Variants in ENOPH1 observed in about 807,000 individuals in gnomAD.
ENOPH1 encodes the protein enolase-phosphatase E1.
ENOPH1 carries 14 observed loss-of-function variants against 31.1 expected under a neutral mutation model. The observed-to-expected ratio is 0.45, with a 90% CI of 0.30 to 0.70. The LOEUF (loss-of-function observed/expected upper bound fraction) is 0.70. Among genes scored for constraint, ENOPH1 ranks in the 30% least tolerant of loss-of-function variants. The pLI is 0.09. For synonymous variants in ENOPH1, 127 were observed against 123.2 expected (o/e 1.03, Z -0.21); for missense variants, 243 against 321.5 (o/e 0.76, Z 1.87).
intron 3 of ENOPH1, among the ~76,000 whole-genome samples, chr4:82,451,570 C>T (rs780556914): frequency 2.6e-5 from 4 of 152,148 alleles, no homozygotes; most frequent in Non-Finnish European, 5.9e-5. Context: ...GTGACAGCTC[C>T]GTTGGGCTGC....
intron 5 of ENOPH1, among the ~76,000 whole-genome samples, chr4:82,458,366 C>T (rs1481142492): frequency 6.6e-6 from 1 of 151,940 alleles, no homozygotes. Context: ...ATTAGCCAGG[C>T]AGTAGTGGTA....
At chr4:82,454,249 G>A (rs1722426288) in intron 3 of ENOPH1, among the ~76,000 whole-genome samples, 1 of 152,104 alleles carries the variant, frequency 6.6e-6, no homozygotes, top group African/African-American at 2.4e-5. Context: ...CTAATCATAA[G>A]TTTATAGCTT....
chr4:82,447,702 A>G (rs1722231112), intron 1 of ENOPH1, among the ~76,000 whole-genome samples: 1 of 152,168 alleles, frequency 6.6e-6, no homozygotes, highest in Non-Finnish European at 1.5e-5. Context: ...TAGGCAGTGG[A>G]CTTGATTTGG....
intron 1 of ENOPH1, among the ~76,000 whole-genome samples, chr4:82,434,713 C>CA (rs1305449915): frequency 6.0e-5 from 9 of 148,792 alleles, no homozygotes; most frequent in African/African-American, 1.0e-4. Flanking sequence ...GACGCTGTCT[C>CA]AAAAAAAGAA....
chr4:82,435,026 G>A (rs1488499540), intron 1 of ENOPH1, among the ~76,000 whole-genome samples: 1 of 152,100 alleles, frequency 6.6e-6, no homozygotes, highest in Non-Finnish European at 1.5e-5. Context: ...TTCCTTAGAT[G>A]TTCCCACCGC....
At chr4:82,437,528 C>G (rs984295409) in intron 1 of ENOPH1, among the ~76,000 whole-genome samples, 1 of 152,136 alleles carries the variant, frequency 6.6e-6, no homozygotes, top group Non-Finnish European at 1.5e-5. Flanking sequence ...AAGTGTGGGT[C>G]CCATGCACTC....
At chr4:82,458,419 A>G (rs899310971) in intron 5 of ENOPH1, among the ~76,000 whole-genome samples, 5 of 152,098 alleles carry the variant, frequency 3.3e-5, no homozygotes, top group African/African-American at 1.2e-4. Flanking sequence ...CTGAGGCAGG[A>G]GAATTGCTTG....
chr4:82,434,623 A>G (rs573788867), intron 1 of ENOPH1, among the ~76,000 whole-genome samples: 1 of 152,226 alleles, frequency 6.6e-6, no homozygotes, highest in East Asian at 1.9e-4. Flanking sequence ...CTGAGGCAGA[A>G]GAATCACTTG....
At chr4:82,452,522 C>A (rs1228934449) in intron 3 of ENOPH1, among the ~76,000 whole-genome samples, 1 of 151,934 alleles carries the variant, frequency 6.6e-6, no homozygotes, top group Non-Finnish European at 1.5e-5. Context: ...GAACTCCTGA[C>A]CTCAAGTGGT....
At chr4:82,447,089 G>T (rs1011357350) in intron 1 of ENOPH1, among the ~76,000 whole-genome samples, 1 of 147,342 alleles carries the variant, frequency 6.8e-6, no homozygotes, top group Admixed American at 6.8e-5. Context: ...AGGTTCAAGC[G>T]ATTCTCCTGC....
Position 82,430,651 on chromosome 4 carries a change from A to C in ENOPH1, c.-179A>C, listed in dbSNP as rs1359739545. ...GGGCTCCTGGGCGGCCGCCTTTTCCAGTTCCAGGTGTGCAGAAGTGTCCTC... is the reference window on the plus strand; with the variant it reads ...GGGCTCCTGGGCGGCCGCCTTTTCCCGTTCCAGGTGTGCAGAAGTGTCCTC... On this transcript the variant is annotated 5_prime_UTR_variant, in exon 1 of 6. Coordinates refer to ENST00000273920, the MANE Select transcript of ENOPH1 (RefSeq NM_021204.5). 1.5e-5 allele frequency: 9 copies of C among 586,112 alleles called. No individual in the cohort carries two copies. In the South Asian group the frequency reaches 1.8e-4, roughly 12 times the overall value. The allele number at this position is 586,112 out of a possible 1,614,324, so 36.3% of individuals were successfully genotyped here. A position where few individuals can be genotyped will look rare whatever the true frequency, so the allele number is the denominator to read the frequency against.
Position 82,451,212 on chromosome 4 carries a change from G to A in ENOPH1, c.356G>A (p.Arg119Lys), listed in dbSNP as rs1722341339. Residue 119 changes from arginine to lysine, a missense_variant, in exon 3 of 6, where the codon AGG becomes AAG. By Grantham distance (26) the Arg-to-Lys change is conservative. Coordinates refer to ENST00000273920, the MANE Select transcript of ENOPH1 (RefSeq NM_021204.5). ...AAACAGCTGCAGGGCCACATGTGGA[G>A]GGCGGCATTCACAGCTGGGCGCATG... is the stretch of plus-strand genomic sequence containing the variant. ...ALKQLQGHMW[R>K]AAFTAGRMKA... 1.2e-6 allele frequency: 2 copies of A among 1,614,086 alleles called. No individual in the cohort carries two copies. Among genetic ancestry groups the A allele is most frequent in the Non-Finnish European group, 1.7e-6 (2 of 1,180,040 alleles).
At chr4:82,447,892 T>C (rs776308093) in intron 1 of ENOPH1, 28 bp from the exon 2 acceptor site, 6 of 1,412,904 alleles carry the variant, frequency 4.2e-6, no homozygotes, top group Non-Finnish European at 4.9e-6. Flanking sequence ...AAGCTAACTC[T>C]TGTATTTTCT....
At chr4:82,439,285 A>G (rs1043694168) in intron 1 of ENOPH1, among the ~76,000 whole-genome samples, 1 of 152,218 alleles carries the variant, frequency 6.6e-6, no homozygotes, top group Admixed American at 6.5e-5. Flanking sequence ...TTAAGTCTAA[A>G]AAGTGTGGAC....
chr4:82,445,574 G>A (rs892377924), intron 1 of ENOPH1, among the ~76,000 whole-genome samples: 3 of 152,092 alleles, frequency 2.0e-5, no homozygotes, highest in African/African-American at 7.2e-5. Context: ...TCCTATCTCA[G>A]CCCCTCCAAG....
chr4:82,432,097 G>T (rs967217550), intron 1 of ENOPH1, among the ~76,000 whole-genome samples: 7 of 151,988 alleles, frequency 4.6e-5, no homozygotes, highest in African/African-American at 1.7e-4. Flanking sequence ...TGTATTTTTT[G>T]TAGAGACGGG....
chr4:82,459,934 C>CA (rs1263682564), intron 5 of ENOPH1, 47 bp from the exon 6 acceptor site: 23 of 1,603,378 alleles, frequency 1.4e-5, no homozygotes, highest in Non-Finnish European at 1.8e-5. Flanking sequence ...TCTCAGACAT[C>CA]ATTTTTTGGT....
chr4:82,460,081 C>A lies in ENOPH1; in HGVS notation c.747C>A (p.Ile249=). The change falls in exon 6 of 6, where the codon ATC becomes ATA. Residue 249 remains isoleucine, a synonymous_variant. Coordinates refer to ENST00000273920, the MANE Select transcript of ENOPH1 (RefSeq NM_021204.5). ...TDDEKTYYSL[I]TSFSELYLPS... The stretch of plus-strand genomic sequence containing the variant: ...ATGAGAAGACTTACTACAGCCTCAT[C>A]ACATCCTTCAGTGAACTATACCTGC... 6.2e-7 allele frequency: 1 copy of A among 1,614,238 alleles called. No homozygotes were observed. The highest frequency in any genetic ancestry group is 8.5e-7 in the Non-Finnish European group (1 of 1,180,032).
intron 2 of ENOPH1, among the ~76,000 whole-genome samples, chr4:82,450,057 T>C (rs894586644): frequency 1.3e-5 from 2 of 152,248 alleles, no homozygotes; most frequent in African/African-American, 4.8e-5. Flanking sequence ...TAGTTCTATA[T>C]TGGATACTGT....
Sources: gnomAD v4.1 joint callset for allele counts (sites outside exome capture counted in the v4.1 genomes callset) on GRCh38, gnomAD v4.1.1 for gene constraint, MANE v1.5 for transcripts, NCBI Gene and HGNC (gene_info 2026-07-23, HGNC 2026-07-21) for gene names.